The following MSX2 variants were observed in gnomAD, a reference collection of about 807,000 sequenced individuals.
MSX2 encodes homeobox protein MSX-2.
Under a neutral mutation model 18.4 loss-of-function variants are expected in MSX2, and 10 were observed. The observed-to-expected ratio is 0.54, with a 90% CI of 0.34 to 0.92. The LOEUF (loss-of-function observed/expected upper bound fraction) is 0.92, where lower values mean the gene tolerates loss of function less well. Among genes scored for constraint, MSX2 ranks in the 40% least tolerant of loss-of-function variants. The probability of loss-of-function intolerance (pLI) is 0.02; values close to 1 mark genes in which losing one functional copy is unlikely to be tolerated. For missense variants in MSX2, 339 were observed against 364.0 expected (o/e 0.93, Z 0.56); for synonymous variants, 170 against 165.6 (o/e 1.03, Z -0.20).
rs1277376258 is a variant in MSX2, at chr5:174,730,122, GAT to G, written c.*540_*541del. On this transcript the variant is annotated 3_prime_UTR_variant, in exon 2 of 2. Transcript: ENST00000239243. ...ACACAGAAAATATTAGATATGGAGA[GAT>G]TATTCAAAGTGAAGGGGACACATCA... The G allele has an allele frequency of 1.3e-5, 2 of 152,150 alleles. No individual in the cohort carries two copies. Among genetic ancestry groups the G allele is most frequent in the Non-Finnish European group, 2.9e-5 (2 of 68,074 alleles). The allele number at this position is 152,150 out of a possible 1,614,324, so 9.4% of individuals were successfully genotyped here.
At chr5:174,727,649 A>C (rs1308381119) in intron 1 of MSX2, among the ~76,000 whole-genome samples, 3 of 152,232 alleles carry the variant, frequency 2.0e-5, no homozygotes, top group Non-Finnish European at 4.4e-5. Flanking sequence ...GGATTAGCAA[A>C]TGCAAAAGTA....
intron 1 of MSX2, among the ~76,000 whole-genome samples, chr5:174,726,982 A>T (rs1421307432): frequency 6.6e-6 from 1 of 152,148 alleles, no homozygotes; most frequent in African/African-American, 2.4e-5. Flanking sequence ...CTTCCCATGA[A>T]AAGAACCAGA....
intron 1 of MSX2, among the ~76,000 whole-genome samples, chr5:174,725,314 GT>G (rs1054707212): frequency 6.6e-6 from 1 of 152,202 alleles, no homozygotes; most frequent in Non-Finnish European, 1.5e-5. Flanking sequence ...CCCCAGCTGG[GT>G]TTACGGGGTC....
intron 1 of MSX2, among the ~76,000 whole-genome samples, chr5:174,727,744 T>C (rs1760835608): frequency 6.6e-6 from 1 of 152,208 alleles, no homozygotes; most frequent in Non-Finnish European, 1.5e-5. Flanking sequence ...CTCTTTTTGA[T>C]TCAGTAAAGT....
At chr5:174,728,036 G>C (rs1259167185) in intron 1 of MSX2, among the ~76,000 whole-genome samples, 1 of 152,176 alleles carries the variant, frequency 6.6e-6, no homozygotes, top group African/African-American at 2.4e-5. Flanking sequence ...CCACCCTTGA[G>C]GAAGACAAGC....
At chr5:174,726,538 A>T (rs1760802775) in intron 1 of MSX2, among the ~76,000 whole-genome samples, 1 of 144,076 alleles carries the variant, frequency 6.9e-6, no homozygotes, top group Non-Finnish European at 1.5e-5. Flanking sequence ...TTAACAGATG[A>T]GGACATTTCA....
rs771700671 is a variant in MSX2, at chr5:174,729,515, G to C, written c.736G>C (p.Val246Leu). ...YGASYPFHRP[V>L]LPIPPVGLYA... ...AGCATCCTACCCGTTCCATAGACCTGTGCTTCCCATCCCGCCTGTGGGACT... is the reference window on the plus strand; with the variant it reads ...AGCATCCTACCCGTTCCATAGACCTCTGCTTCCCATCCCGCCTGTGGGACT... Residue 246 changes from valine (V) to leucine (L), a missense_variant, in exon 2 of 2, where the codon GTG (valine) becomes CTG (leucine). Val to Leu is a conservative substitution (Grantham distance 32). Around this residue, in one of 2 missense-constraint regions of MSX2, gnomAD observed 128 missense variants for 178.6 expected, o/e 0.72. Transcript: ENST00000239243. 1.2e-5 allele frequency: 19 copies of C among 1,613,878 alleles called. No individual in the cohort carries two copies. The highest frequency in any genetic ancestry group is 1.5e-5 in the Non-Finnish European group (18 of 1,179,876).
In MSX2 at chr5:174,724,617, C is replaced by T. The variant is rs1030537362; in HGVS notation, c.-43C>T. 1.9e-6 allele frequency: 3 copies of T among 1,560,548 alleles called. No homozygotes were observed. Among genetic ancestry groups the T allele is most frequent in the Non-Finnish European group, 2.6e-6 (3 of 1,153,170 alleles). On this transcript the variant is annotated 5_prime_UTR_variant, in exon 1 of 2. Transcript: ENST00000239243. ...AGTTTGAGTCGCCGCTGCCGGGTTG[C>T]CAGCGGAGTCGCGCGTCGGGAGCTA...
chr5:174,726,691 A>T (rs1416110581), intron 1 of MSX2, among the ~76,000 whole-genome samples: 1 of 152,028 alleles, frequency 6.6e-6, no homozygotes, highest in Non-Finnish European at 1.5e-5. Context: ...TGTGGACCAC[A>T]TTGAGGGATT....
intron 1 of MSX2, among the ~76,000 whole-genome samples, chr5:174,728,777 G>T (rs1760855885): frequency 6.6e-6 from 1 of 151,976 alleles, no homozygotes; most frequent in Admixed American, 6.6e-5. Context: ...CTCTAATGCT[G>T]TTTGTTTTCC....
intron 1 of MSX2, among the ~76,000 whole-genome samples, chr5:174,726,540 G>C (rs963255862): frequency 7.3e-6 from 1 of 136,910 alleles, no homozygotes; most frequent in Non-Finnish European, 1.5e-5. Flanking sequence ...AACAGATGAG[G>C]ACATTTCAGC....
intron 1 of MSX2, 69 bp from the exon 2 acceptor site, chr5:174,729,090 A>G (rs1760866889): frequency 3.3e-6 from 5 of 1,494,796 alleles, no homozygotes; most frequent in Non-Finnish European, 3.7e-6. Context: ...GACGGGGGAG[A>G]TGGGTTTTTT....
At chr5:174,727,720 A>T (rs1760834919) in intron 1 of MSX2, among the ~76,000 whole-genome samples, 1 of 152,190 alleles carries the variant, frequency 6.6e-6, no homozygotes, top group Admixed American at 6.5e-5. Context: ...TTGGTTGGTT[A>T]CAAAGCCTCT....
intron 1 of MSX2, among the ~76,000 whole-genome samples, chr5:174,728,848 A>G (rs1760857773): frequency 6.6e-6 from 1 of 152,152 alleles, no homozygotes; most frequent in Middle Eastern, 3.2e-3. Flanking sequence ...ACTCATTTTT[A>G]AAAAACGAAG....
chr5:174,729,616 G>C lies in MSX2; in HGVS notation c.*33G>C, dbSNP rs1760882754. The stretch of plus-strand genomic sequence containing the variant: ...CAGATCAATAGACTCCATGATGGAT[G>C]CTTGTTTCAAAGGGTTTCCTCTCCC... On this transcript the variant is annotated 3_prime_UTR_variant, in exon 2 of 2. Coordinates refer to ENST00000239243, the MANE Select transcript of MSX2 (RefSeq NM_002449.5). The C allele has an allele frequency of 1.9e-6, 3 of 1,598,112 alleles. No homozygotes were observed. The East Asian group carries it at 6.7e-5, about 36-fold the overall frequency.
chr5:174,725,274 C>T (rs1356054683), intron 1 of MSX2, among the ~76,000 whole-genome samples: 3 of 152,192 alleles, frequency 2.0e-5, no homozygotes, highest in Non-Finnish European at 4.4e-5. Context: ...GAGACTCCCT[C>T]GACATACAGA....
chr5:174,726,586 CAA>C (rs34068914), intron 1 of MSX2, among the ~76,000 whole-genome samples: 210 of 93,400 alleles, frequency 2.2e-3, no homozygotes, highest in African/African-American at 9.3e-3. Context: ...TGGGCCTGAC[CAA>C]AAAAAAAAAA....
Position 174,729,161 on chromosome 5 carries a change from C to T in MSX2, c.382C>T (p.His128Tyr). The part of the protein sequence containing the change: ...EPGRYSPPPR[H>Y]MSPTTCTLRK... ...CCGCTCCTCTCTCTGTTCTCTAGGACATATGAGCCCTACCACCTGCACCCT... is the reference window on the plus strand; with the variant it reads ...CCGCTCCTCTCTCTGTTCTCTAGGATATATGAGCCCTACCACCTGCACCCT... The change falls in exon 2 of 2, where the codon CAT becomes TAT. Residue 128 changes from histidine to tyrosine, a missense_variant and splice_region_variant. Around this residue, in one of 2 missense-constraint regions of MSX2, gnomAD observed 211 missense variants for 185.4 expected, o/e 1.14. Transcript: ENST00000239243. 1 of 1,613,886 alleles carries T rather than the reference C, an allele frequency of 6.2e-7. No individual in the cohort carries two copies. Among genetic ancestry groups the T allele is most frequent in the South Asian group, 1.1e-5 (1 of 91,056 alleles).
intron 1 of MSX2, among the ~76,000 whole-genome samples, chr5:174,726,056 C>G (rs2113494021): frequency 6.6e-6 from 1 of 152,332 alleles, no homozygotes; most frequent in South Asian, 2.1e-4. Flanking sequence ...CTGCACCCCA[C>G]TTGAGAATTG....
Sources: gnomAD v4.1 joint callset for allele counts (sites outside exome capture counted in the v4.1 genomes callset) on GRCh38, gnomAD v4.1.1 for gene constraint, gnomAD v4.1.1 regional missense constraint, MANE v1.5 for transcripts, NCBI Gene and HGNC (gene_info 2026-07-23, HGNC 2026-07-21) for gene names.